The following LUZP2 variants were observed in gnomAD, a reference collection of about 807,000 sequenced individuals.
LUZP2 encodes leucine zipper protein 2.
A neutral mutation model predicts 51.6 loss-of-function variants in LUZP2; 52 were observed. That is an observed-to-expected ratio of 1.01 (90% CI 0.81 to 1.27). LUZP2 has a LOEUF of 1.27. Among genes scored for constraint, LUZP2 ranks in the 50% most tolerant of loss-of-function variants. LUZP2 has a pLI of 0.00. For missense variants in LUZP2, 436 were observed against 395.4 expected, an observed-to-expected ratio of 1.10 and a Z score of -0.87; for synonymous variants, 154 against 137.3, an observed-to-expected ratio of 1.12 and a Z score of -0.85.
intron 11 of LUZP2, 43 bp from the exon 12 acceptor site, chr11:25,078,511 T>C: frequency 6.7e-7 from 1 of 1,482,644 alleles, no homozygotes; most frequent in Non-Finnish European, 9.3e-7. Context: ...TTAAAATGTG[T>C]TATTTTGATT....
intron 1 of LUZP2, among the ~76,000 whole-genome samples, chr11:24,671,111 C>T (rs1374370243): frequency 6.6e-6 from 1 of 151,596 alleles, no homozygotes; most frequent in Non-Finnish European, 1.5e-5. Flanking sequence ...TAATTAATGT[C>T]AATTCAATTT....
chr11:24,549,026 A>C (rs1851644479), intron 1 of LUZP2, among the ~76,000 whole-genome samples: 1 of 152,008 alleles, frequency 6.6e-6, no homozygotes, highest in Admixed American at 6.6e-5. Flanking sequence ...TTTGTTCTTC[A>C]ATAAGAAATT....
At chr11:24,681,794 A>G (rs1000745037) in intron 1 of LUZP2, among the ~76,000 whole-genome samples, 1 of 152,166 alleles carries the variant, frequency 6.6e-6, no homozygotes, top group South Asian at 2.1e-4. Flanking sequence ...ATTTTGTACT[A>G]TACACTATTT....
At chr11:25,020,923 A>T (rs1036069316) in intron 9 of LUZP2, among the ~76,000 whole-genome samples, 2 of 152,044 alleles carry the variant, frequency 1.3e-5, no homozygotes, top group Admixed American at 6.6e-5. Flanking sequence ...TTTTATAATT[A>T]TGAAGGGGCA....
intron 5 of LUZP2, chr11:24,891,679 C>T (rs370773144): frequency 2.6e-6 from 2 of 771,916 alleles, no homozygotes. Flanking sequence ...TAACACTGTA[C>T]TTGTTCCACA....
At chr11:24,948,382 A>T (rs1009304589) in intron 7 of LUZP2, among the ~76,000 whole-genome samples, 2 of 111,836 alleles carry the variant, frequency 1.8e-5, no homozygotes, top group African/African-American at 3.2e-5. Context: ...CATATTTATA[A>T]TAACTCTTTT....
At position 24,802,328 on chromosome 11, in the gene LUZP2, T is replaced by C. The variant is rs534433585; in HGVS notation, c.396+39020T>C. On this transcript the variant is annotated intron_variant, in intron 5 of 11. Coordinates refer to ENST00000336930, the MANE Select transcript of LUZP2 (RefSeq NM_001009909.4). ...TACCCATTCCTCTGTTGATAGGTAT[T>C]TGGGTAGCTTCCAGTTTGGGACTAT... Among the ~76,000 whole-genome samples the C allele has an allele frequency of 8.2e-4, 124 of 152,140 alleles. 1 individual carries two copies. The highest frequency in any genetic ancestry group is 2.9e-3 in the African/African-American group (119 of 41,522).
At chr11:24,716,395 A>G (rs1386388813) in intron 1 of LUZP2, among the ~76,000 whole-genome samples, 1 of 152,252 alleles carries the variant, frequency 6.6e-6, no homozygotes, top group Non-Finnish European at 1.5e-5. Context: ...TGAAACATTG[A>G]AAGACTATTC....
In LUZP2 at chr11:24,567,183, A is replaced by G. The variant is rs184904573; in HGVS notation, c.62+69878A>G. 7.0e-3 allele frequency among the ~76,000 whole-genome samples: 1,053 copies of G among 151,374 alleles called. 16 individuals are homozygous for G. Among genetic ancestry groups the G allele is most frequent in the African/African-American group, 0.024 (1,012 of 41,374 alleles). Reference sequence around the variant, plus strand: ...GACACATGGCAATTTTGTCGTTGAAAGGTACAATCACCTAAATGAAATAAA... The same window carrying G: ...GACACATGGCAATTTTGTCGTTGAAGGGTACAATCACCTAAATGAAATAAA... On this transcript the variant is annotated intron_variant, in intron 1 of 11. Transcript: ENST00000336930.
chr11:24,990,056 A>G (rs1250556563), intron 9 of LUZP2, among the ~76,000 whole-genome samples: 6 of 152,090 alleles, frequency 3.9e-5, no homozygotes, highest in Admixed American at 2.0e-4. Context: ...TCGTCCATCA[A>G]TATATGGGGT....
chr11:24,939,048 A>G, intron 7 of LUZP2, among the ~76,000 whole-genome samples: 1 of 152,022 alleles, frequency 6.6e-6, no homozygotes, highest in African/African-American at 2.4e-5. Context: ...ATCAGATTTG[A>G]AAGGATTTTT....
At chr11:24,950,297 A>G (rs1413941970) in intron 7 of LUZP2, among the ~76,000 whole-genome samples, 1 of 151,576 alleles carries the variant, frequency 6.6e-6, no homozygotes, top group Non-Finnish European at 1.5e-5. Flanking sequence ...CCTTCTTGCA[A>G]TGTTTAATCT....
intron 7 of LUZP2, among the ~76,000 whole-genome samples, chr11:24,964,921 T>A (rs577557633): frequency 6.6e-6 from 1 of 151,900 alleles, no homozygotes; most frequent in South Asian, 2.1e-4. Context: ...AAGACAAACA[T>A]GTTTTATTTT....
intron 1 of LUZP2, among the ~76,000 whole-genome samples, chr11:24,670,607 C>A (rs1214897386): frequency 1.3e-5 from 2 of 151,836 alleles, no homozygotes; most frequent in East Asian, 3.9e-4. Flanking sequence ...ACATATTTAT[C>A]TTGGGACAGA....
intron 7 of LUZP2, among the ~76,000 whole-genome samples, chr11:24,975,264 G>T (rs1344367793): frequency 3.9e-5 from 6 of 151,988 alleles, no homozygotes; most frequent in Non-Finnish European, 8.8e-5. Context: ...AGTAATATTT[G>T]CTGAATTATA....
intron 1 of LUZP2, among the ~76,000 whole-genome samples, chr11:24,617,601 G>A (rs1314157857): frequency 1.3e-5 from 2 of 152,082 alleles, no homozygotes; most frequent in African/African-American, 2.4e-5. Flanking sequence ...TGGGCAGATT[G>A]CCTGAGCTCA....
chr11:24,543,499 G>A (rs1195331520), intron 1 of LUZP2, among the ~76,000 whole-genome samples: 1 of 152,054 alleles, frequency 6.6e-6, no homozygotes, highest in Non-Finnish European at 1.5e-5. Context: ...CTTTCCATTT[G>A]AAATATGGCC....
At chr11:25,000,746 G>A (rs1370081055) in intron 9 of LUZP2, among the ~76,000 whole-genome samples, 3 of 152,186 alleles carry the variant, frequency 2.0e-5, no homozygotes, top group African/African-American at 7.2e-5. Flanking sequence ...TGTAAAAGCA[G>A]CAGTCTTCCC....
chr11:24,900,177 A>T (rs1040473568), intron 5 of LUZP2, among the ~76,000 whole-genome samples: 2 of 152,216 alleles, frequency 1.3e-5, no homozygotes, highest in Non-Finnish European at 2.9e-5. Flanking sequence ...AGAGTATTAC[A>T]TTCTAGTAGA....
Sources: allele counts gnomAD v4.1 joint callset (sites outside exome capture counted in the v4.1 genomes callset), GRCh38; gene constraint gnomAD v4.1.1; transcripts MANE v1.5; gene names NCBI Gene and HGNC (gene_info 2026-07-23, HGNC 2026-07-21).